The following VPS13C variants were observed in gnomAD, a reference collection of about 807,000 sequenced individuals.
VPS13C encodes the protein intermembrane lipid transfer protein VPS13C.
A neutral mutation model predicts 456.8 loss-of-function variants in VPS13C; 358 were observed. That is an observed-to-expected ratio of 0.78 (90% CI 0.72 to 0.86). VPS13C has a LOEUF of 0.86. Among genes scored for constraint, VPS13C ranks in the 40% least tolerant of loss-of-function variants. The pLI, the probability that VPS13C is intolerant of heterozygous loss-of-function variation, is 0.00. For synonymous variants in VPS13C, 1,578 were observed against 1,486.7 expected, an observed-to-expected ratio of 1.06 and a Z score of -1.41; for missense variants, 4,818 against 4,385.4, an observed-to-expected ratio of 1.10 and a Z score of -2.79.
intron 16 of VPS13C, among the ~76,000 whole-genome samples, chr15:61,995,682 C>A (rs1420251768): frequency 2.0e-5 from 3 of 152,162 alleles, no homozygotes; most frequent in African/African-American, 7.2e-5. Flanking sequence ...AAAGCTGGAG[C>A]CTTCCATCCC....
chr15:62,049,001 T>C (rs1445030246), intron 1 of VPS13C, among the ~76,000 whole-genome samples: 5 of 150,776 alleles, frequency 3.3e-5, no homozygotes, highest in Non-Finnish European at 7.5e-5. Context: ...TTCTGGATAT[T>C]AGCCCTTTGT....
At chr15:61,919,204 G>A (rs1282640074) in intron 58 of VPS13C, 85 bp downstream of exon 58, 6 of 1,342,518 alleles carry the variant, frequency 4.5e-6, no homozygotes, top group Non-Finnish European at 6.1e-6. Context: ...ACCTGATGAA[G>A]TTTTACTGTA....
intron 78 of VPS13C, among the ~76,000 whole-genome samples, chr15:61,872,825 C>T (rs1213178487): frequency 6.6e-6 from 1 of 151,980 alleles, no homozygotes; most frequent in African/African-American, 2.4e-5. Context: ...AAGCAGTATT[C>T]ATATATTACC....
At chr15:61,903,192 G>A (rs980907405) in intron 66 of VPS13C, among the ~76,000 whole-genome samples, 2 of 151,654 alleles carry the variant, frequency 1.3e-5, no homozygotes, top group Non-Finnish European at 2.9e-5. Context: ...AAACAAAAAC[G>A]CTGGGCTTGG....
chr15:62,059,299 G>C (rs755789642), intron 1 of VPS13C, among the ~76,000 whole-genome samples: 2 of 152,198 alleles, frequency 1.3e-5, no homozygotes, highest in Non-Finnish European at 2.9e-5. Context: ...CTAGTGGACA[G>C]GGGAAGTCTA....
chr15:62,023,420 A>C lies in VPS13C; in HGVS notation c.615T>G (p.Tyr205Ter). Residue 205 changes from tyrosine to a stop codon, truncating the protein, a stop_gained, in exon 8 of 85, where the codon TAT (tyrosine) becomes TAG (stop). Coordinates refer to ENST00000644861, the MANE Select transcript of VPS13C (RefSeq NM_020821.3). LOFTEE classifies it high-confidence loss of function. ...AATAAAAATTACTTACATCATCTTC[A>C]TATTTAATGTGAATATCTGTGATTT... ...QVKITDIHIKYEDDVTDPKRP... is the reference protein window; with the variant it reads ...QVKITDIHIK 1 of 1,501,716 alleles carries C rather than the reference A, an allele frequency of 6.7e-7. No individual in the cohort carries two copies. Among genetic ancestry groups the C allele is most frequent in the Non-Finnish European group, 9.0e-7 (1 of 1,115,624 alleles). 93.0% of individuals were successfully genotyped at this position (1,501,716 alleles called of 1,614,324 possible).
intron 47 of VPS13C, among the ~76,000 whole-genome samples, chr15:61,938,835 G>A (rs566924281): frequency 1.2e-4 from 18 of 151,868 alleles, no homozygotes; most frequent in South Asian, 4.2e-4. Flanking sequence ...TTCTCCTTTC[G>A]CCCTTAGAGA....
chr15:61,922,006 C>A lies in VPS13C; in HGVS notation c.7003G>T (p.Val2335Phe). The part of the protein sequence containing the change: ...QVHYYNEIHA[V>F]WEPLIERVEG... ...ACTCTCTCAATCAGTGGCTCCCAGA[C>A]AGCATGGATCTCATTGTAATAGTGC... The change falls in exon 55 of 85, where the codon GTC becomes TTC. Residue 2335 changes from valine (V) to phenylalanine (F), a missense_variant. Coordinates refer to ENST00000644861, the MANE Select transcript of VPS13C (RefSeq NM_020821.3). The A allele has an allele frequency of 6.2e-7, 1 of 1,613,586 alleles. No homozygotes were observed. The highest frequency in any genetic ancestry group is 8.5e-7 in the Non-Finnish European group (1 of 1,179,640).
intron 66 of VPS13C, among the ~76,000 whole-genome samples, chr15:61,903,682 A>C (rs2043070676): frequency 6.6e-6 from 1 of 152,214 alleles, no homozygotes; most frequent in Non-Finnish European, 1.5e-5. Flanking sequence ...TGAATAGCCA[A>C]AGTAATCCTG....
chr15:62,003,030 A>G (rs2046691230), intron 15 of VPS13C, among the ~76,000 whole-genome samples: 1 of 152,104 alleles, frequency 6.6e-6, no homozygotes, highest in Non-Finnish European at 1.5e-5. Flanking sequence ...TATGAACTTT[A>G]AAGTAGTTTT....
At chr15:61,888,118 G>A (rs1896399327) in intron 67 of VPS13C, among the ~76,000 whole-genome samples, 1 of 152,130 alleles carries the variant, frequency 6.6e-6, no homozygotes, top group South Asian at 2.1e-4. Flanking sequence ...TGTATCATCA[G>A]AAAACCGCAA....
In VPS13C at chr15:61,990,947, A is replaced by C. The variant is rs948898968; in HGVS notation, c.1578+53T>G. 5.0e-6 allele frequency: 6 copies of C among 1,203,010 alleles called. No individual in the cohort carries two copies. In the African/African-American group the frequency reaches 6.1e-5, roughly 12 times the overall value. The allele number at this position is 1,203,010 out of a possible 1,614,324, so 74.5% of individuals were successfully genotyped here. ...AAAATCAGTAAGTCTAATCCAATTCAATCTAATATAGTACAATGAGACAAA... is the reference window on the plus strand; with the variant it reads ...AAAATCAGTAAGTCTAATCCAATTCCATCTAATATAGTACAATGAGACAAA... On this transcript the variant is annotated intron_variant, in intron 18 of 84. Coordinates refer to ENST00000644861, the MANE Select transcript of VPS13C (RefSeq NM_020821.3).
chr15:62,028,428 C>T lies in VPS13C; in HGVS notation c.386-8G>A, dbSNP rs2047709995. ...ACTCCCCTGAATGTGTGCCTGCATC[C>T]CACATGGCAGCAATAACCAAAATGC... On this transcript the variant is annotated splice_region_variant and splice_polypyrimidine_tract_variant and intron_variant, in intron 5 of 84. Transcript: ENST00000644861. The T allele has an allele frequency of 6.2e-7, 1 of 1,612,674 alleles. No individual in the cohort carries two copies. The highest frequency in any genetic ancestry group is 8.5e-7 in the Non-Finnish European group (1 of 1,179,064).
chr15:62,017,830 T>C (rs1356527803), intron 9 of VPS13C, among the ~76,000 whole-genome samples: 1 of 152,178 alleles, frequency 6.6e-6, no homozygotes, highest in African/African-American at 2.4e-5. Flanking sequence ...AAGAAAGTCA[T>C]TGGTAGCTTG....
intron 27 of VPS13C, among the ~76,000 whole-genome samples, chr15:61,971,092 G>A (rs1333624828): frequency 6.6e-6 from 1 of 151,634 alleles, no homozygotes; most frequent in East Asian, 1.9e-4. Flanking sequence ...TATGGCTGAA[G>A]CAGAGTGAGC....
At chr15:62,045,703 C>T (rs1328340532) in intron 1 of VPS13C, among the ~76,000 whole-genome samples, 1 of 151,976 alleles carries the variant, frequency 6.6e-6, no homozygotes, top group Non-Finnish European at 1.5e-5. Context: ...AACTATTGAT[C>T]TGTCCAAACA....
chr15:62,058,317 T>C (rs1332993219), intron 1 of VPS13C, among the ~76,000 whole-genome samples: 2 of 152,254 alleles, frequency 1.3e-5, no homozygotes, highest in Non-Finnish European at 1.5e-5. Context: ...ATGCTGGTCA[T>C]TTAATTCCTT....
In VPS13C at chr15:61,854,524, G is replaced by A. The variant is rs753815184; in HGVS notation, c.11195C>T (p.Thr3732Met). ...ACNAIEDAQSTRQQQKLMKQS... is the reference protein window; with the variant it reads ...ACNAIEDAQSMRQQQKLMKQS... ...CTTCATCAATTTTTGCTGCTGTCTCGTTGACTGTGCATCCTCAATGGCATT... is the reference window on the plus strand; with the variant it reads ...CTTCATCAATTTTTGCTGCTGTCTCATTGACTGTGCATCCTCAATGGCATT... The change falls in exon 85 of 85, where the codon ACG becomes ATG. Residue 3732 changes from threonine (T) to methionine (M), a missense_variant. This residue lies in a region of VPS13C where 261 missense variants were observed against 234.1 expected (regional missense o/e 1.11). Coordinates refer to ENST00000644861, the MANE Select transcript of VPS13C (RefSeq NM_020821.3). 35 of 1,613,890 alleles carry A rather than the reference G, an allele frequency of 2.2e-5. No individual in the cohort carries two copies. Among genetic ancestry groups the A allele is most frequent in the Middle Eastern group, 1.6e-4 (1 of 6,082 alleles).
In VPS13C at chr15:61,927,329, A is replaced by C; in HGVS notation, c.6287-9T>G. 6.2e-7 allele frequency: 1 copy of C among 1,608,446 alleles called. No homozygotes were observed. Among genetic ancestry groups the C allele is most frequent in the East Asian group, 2.2e-5 (1 of 44,814 alleles). ...TGGTCTAACAGAGTCATCTGAAGAA[A>C]CAAGCAACAGGAACCAGAAAAGTTT... On this transcript the variant is annotated splice_polypyrimidine_tract_variant and intron_variant, in intron 51 of 84. Transcript: ENST00000644861.
Sources: gnomAD v4.1 joint callset for allele counts (sites outside exome capture counted in the v4.1 genomes callset) on GRCh38, gnomAD v4.1.1 for gene constraint, gnomAD v4.1.1 regional missense constraint, MANE v1.5 for transcripts, NCBI Gene and HGNC (gene_info 2026-07-23, HGNC 2026-07-21) for gene names.